LPXN: variants seen among roughly 807,000 people sequenced by gnomAD.
LPXN encodes leupaxin.
LPXN carries 28 observed loss-of-function variants against 45.6 expected under a neutral mutation model. That is an observed-to-expected ratio of 0.61 (90% CI 0.45 to 0.84). The LOEUF (loss-of-function observed/expected upper bound fraction) is 0.84. Among genes scored for constraint, LPXN ranks in the 40% least tolerant of loss-of-function variants. The pLI, the probability that LPXN is intolerant of heterozygous loss-of-function variation, is 0.00. For missense variants in LPXN, 459 were observed against 475.0 expected (o/e 0.97, Z 0.31); for synonymous variants, 166 against 169.9 (o/e 0.98, Z 0.18).
At chr11:58,536,969 T>G (rs1325312117) in intron 7 of LPXN, among the ~76,000 whole-genome samples, 2 of 151,996 alleles carry the variant, frequency 1.3e-5, no homozygotes, top group Non-Finnish European at 2.9e-5. Context: ...AGATACCATC[T>G]CACGCCAGTT....
intron 7 of LPXN, among the ~76,000 whole-genome samples, chr11:58,545,119 T>A (rs1437756153): frequency 2.6e-5 from 4 of 152,186 alleles, no homozygotes; most frequent in Non-Finnish European, 4.4e-5. Flanking sequence ...GAGCTTCTGA[T>A]CAATAAATGT....
At chr11:58,557,481 T>C (rs1365794230) in intron 3 of LPXN, among the ~76,000 whole-genome samples, 1 of 152,220 alleles carries the variant, frequency 6.6e-6, no homozygotes, top group African/African-American at 2.4e-5. Context: ...ATCTCACTTA[T>C]AGGTGGAATC....
At chr11:58,537,519 G>A (rs1185634856) in intron 7 of LPXN, among the ~76,000 whole-genome samples, 2 of 152,014 alleles carry the variant, frequency 1.3e-5, no homozygotes, top group Non-Finnish European at 2.9e-5. Context: ...TGGAGGCAGG[G>A]GACTAGGGGA....
chr11:58,533,016 G>A (rs1327771159), intron 7 of LPXN, among the ~76,000 whole-genome samples: 5 of 150,838 alleles, frequency 3.3e-5, no homozygotes, highest in Non-Finnish European at 7.4e-5. Context: ...AACTCCAGAC[G>A]CACCGCCTTA....
chr11:58,543,576 C>T (rs148887882), intron 7 of LPXN, among the ~76,000 whole-genome samples: 222 of 152,238 alleles, frequency 1.5e-3, no homozygotes, highest in African/African-American at 5.2e-3. Flanking sequence ...TAGGCTTTAG[C>T]CTCATTTAAC....
At chr11:58,569,928 C>T (rs1438934182) in intron 2 of LPXN, among the ~76,000 whole-genome samples, 1 of 152,172 alleles carries the variant, frequency 6.6e-6, no homozygotes, top group Admixed American at 6.5e-5. Flanking sequence ...CTGCAACAGG[C>T]ATCTCTGATG....
chr11:58,552,301 G>C (rs1207543403), intron 4 of LPXN, among the ~76,000 whole-genome samples: 2 of 151,102 alleles, frequency 1.3e-5, no homozygotes, highest in East Asian at 3.9e-4. Flanking sequence ...ATTCAAAGAA[G>C]GATCCTCAAA....
chr11:58,557,200 C>A (rs1160157494), intron 3 of LPXN, among the ~76,000 whole-genome samples: 1 of 152,092 alleles, frequency 6.6e-6, no homozygotes, highest in Admixed American at 6.5e-5. Context: ...TGGGCATACA[C>A]AAAATAAATG....
At chr11:58,561,833 T>A (rs1854387310) in intron 3 of LPXN, among the ~76,000 whole-genome samples, 1 of 152,182 alleles carries the variant, frequency 6.6e-6, no homozygotes, top group Non-Finnish European at 1.5e-5. Context: ...AGTTATTGAG[T>A]CAACAGTATA....
At chr11:58,577,242 A>C (rs1854921740), upstream of LPXN, among the ~76,000 whole-genome samples, 1 of 152,162 alleles carries the variant, frequency 6.6e-6, no homozygotes, top group South Asian at 2.1e-4. Context: ...CTACAAACTC[A>C]ATCTTAAAAA....
intron 1 of LPXN, 52 bp downstream of exon 1, chr11:58,575,708 T>C (rs1019797200): frequency 3.7e-6 from 6 of 1,602,782 alleles, no homozygotes; most frequent in South Asian, 2.2e-5. Flanking sequence ...CACAAGGAGA[T>C]GGCAGCCAAG....
chr11:58,561,362 A>T (rs1854371152), intron 3 of LPXN, among the ~76,000 whole-genome samples: 1 of 152,194 alleles, frequency 6.6e-6, no homozygotes. Flanking sequence ...ATCACTTAAC[A>T]ACAAGGAAAA....
rs935593161 is a variant in LPXN, at chr11:58,566,616, T to C, written c.172-2415A>G. Among the ~76,000 whole-genome samples, 61 of 152,236 alleles carry C rather than the reference T, an allele frequency of 4.0e-4. 1 individual carries two copies. Among genetic ancestry groups the C allele is most frequent in the African/African-American group, 1.4e-3 (60 of 41,474 alleles). ...TTTTTCTGAAGCACAATTGTCAAAATAGATAATTAAACCATATCTGCTTTC... is the reference window on the plus strand; with the variant it reads ...TTTTTCTGAAGCACAATTGTCAAAACAGATAATTAAACCATATCTGCTTTC... On this transcript the variant is annotated intron_variant, in intron 2 of 8. Transcript: ENST00000395074.
intron 3 of LPXN, among the ~76,000 whole-genome samples, chr11:58,562,653 C>T (rs1461208738): frequency 6.6e-6 from 1 of 152,136 alleles, no homozygotes; most frequent in East Asian, 1.9e-4. Flanking sequence ...CACTACTACC[C>T]CTAAGCCAAA....
chr11:58,572,431 T>C (rs1471455032), intron 1 of LPXN, among the ~76,000 whole-genome samples: 2 of 152,118 alleles, frequency 1.3e-5, no homozygotes, highest in African/African-American at 4.8e-5. Flanking sequence ...AAAAAAGAGA[T>C]GAGTGGGACC....
At chr11:58,535,592 C>T (rs1335552373) in intron 7 of LPXN, among the ~76,000 whole-genome samples, 1 of 152,140 alleles carries the variant, frequency 6.6e-6, no homozygotes, top group Non-Finnish European at 1.5e-5. Flanking sequence ...TGGAAGCATT[C>T]CCTTTGAAAA....
intron 3 of LPXN, among the ~76,000 whole-genome samples, chr11:58,560,801 G>T (rs1854350939): frequency 6.6e-6 from 1 of 152,166 alleles, no homozygotes; most frequent in Admixed American, 6.5e-5. Flanking sequence ...AGTTTGTGCT[G>T]TGTGTCCTGA....
chr11:58,577,115 G>A (rs1473390808), upstream of LPXN, among the ~76,000 whole-genome samples: 1 of 151,868 alleles, frequency 6.6e-6, no homozygotes, highest in Non-Finnish European at 1.5e-5. Flanking sequence ...TTTTTTTAGG[G>A]AATAATTCAT....
chr11:58,538,627 A>T (rs1853625311), intron 7 of LPXN, among the ~76,000 whole-genome samples: 1 of 152,164 alleles, frequency 6.6e-6, no homozygotes, highest in South Asian at 2.1e-4. Context: ...CTGTGAGTAG[A>T]TTCTGATGCT....
Sources: gnomAD v4.1 joint callset for allele counts (sites outside exome capture counted in the v4.1 genomes callset) on GRCh38, gnomAD v4.1.1 for gene constraint, MANE v1.5 for transcripts, NCBI Gene and HGNC (gene_info 2026-07-23, HGNC 2026-07-21) for gene names.